The following SERINC5 variants were observed in gnomAD, a reference collection of about 807,000 sequenced individuals.
SERINC5 encodes chromosome 5 open reading frame 12.
In SERINC5, 41 loss-of-function variants were observed where a neutral mutation model predicts 63.1. The ratio of observed to expected loss-of-function variants is 0.65; its 90% CI spans 0.51 to 0.84. The LOEUF (loss-of-function observed/expected upper bound fraction) is 0.84. Among genes scored for constraint, SERINC5 ranks in the 40% least tolerant of loss-of-function variants. The pLI is 0.00. For synonymous variants in SERINC5, 222 were observed against 215.2 expected (o/e 1.03, Z -0.28); for missense variants, 523 against 573.0 (o/e 0.91, Z 0.89).
intron 6 of SERINC5, 85 bp downstream of exon 6, chr5:80,169,245 CAAACA>C (rs1052923669): frequency 3.5e-6 from 4 of 1,129,768 alleles, no homozygotes; most frequent in Admixed American, 2.1e-5. Context: ...TAGTTCCAAA[CAAACA>C]AAACAAAACA....
At chr5:80,188,970 T>G (rs926666048) in intron 2 of SERINC5, among the ~76,000 whole-genome samples, 5 of 152,186 alleles carry the variant, frequency 3.3e-5, no homozygotes, top group Non-Finnish European at 7.3e-5. Context: ...TCTGATTGAC[T>G]CTAATTTAGT....
chr5:80,253,303 C>CA (rs1319065328), intron 1 of SERINC5, among the ~76,000 whole-genome samples: 4 of 152,200 alleles, frequency 2.6e-5, no homozygotes, highest in Non-Finnish European at 5.9e-5. Flanking sequence ...CGAGCTCCAT[C>CA]AGGAAAGGAT....
chr5:80,140,873 G>A lies in SERINC5; in HGVS notation c.*2790C>T. ...CATCCCTAAATGTGTCTGACCAGCA[G>A]CTTCTGGGAATATACTCTTTAGGTC... On this transcript the variant is annotated 3_prime_UTR_variant, in exon 12 of 12. Coordinates refer to ENST00000507668, the MANE Select transcript of SERINC5 (RefSeq NM_001174072.3). The A allele has an allele frequency of 1.0e-6, 1 of 985,322 alleles. No individual in the cohort carries two copies. The highest frequency in any genetic ancestry group is 1.1e-4 in the East Asian group (1 of 8,810). The allele number at this position is 985,322 out of a possible 1,614,324, so 61.0% of individuals were successfully genotyped here.
At chr5:80,232,152 C>A (rs1236413087) in intron 1 of SERINC5, among the ~76,000 whole-genome samples, 2 of 150,900 alleles carry the variant, frequency 1.3e-5, no homozygotes, top group African/African-American at 4.9e-5. Context: ...CGCCTGTAAT[C>A]CCAGCATTTT....
intron 1 of SERINC5, among the ~76,000 whole-genome samples, chr5:80,240,492 C>T (rs1751897536): frequency 6.6e-6 from 1 of 152,090 alleles, no homozygotes; most frequent in South Asian, 2.1e-4. Context: ...ACCAAATTTT[C>T]CCCGTGAGAC....
At chr5:80,174,034 C>G (rs553787380) in intron 5 of SERINC5, among the ~76,000 whole-genome samples, 1 of 152,072 alleles carries the variant, frequency 6.6e-6, no homozygotes, top group Non-Finnish European at 1.5e-5. Flanking sequence ...AAATGGAGGT[C>G]AGAGGGGCCG....
At chr5:80,186,389 C>T (rs112521284) in intron 2 of SERINC5, among the ~76,000 whole-genome samples, 11 of 152,180 alleles carry the variant, frequency 7.2e-5, no homozygotes, top group Admixed American at 2.0e-4. Flanking sequence ...CCACCCGCCT[C>T]GGCCCCCTAA....
chr5:80,209,703 C>T (rs1464033849), intron 1 of SERINC5, among the ~76,000 whole-genome samples: 2 of 152,152 alleles, frequency 1.3e-5, no homozygotes, highest in Non-Finnish European at 2.9e-5. Flanking sequence ...TTACCATGTG[C>T]ATGCATTACT....
At chr5:80,221,392 T>A (rs1226219515) in intron 1 of SERINC5, among the ~76,000 whole-genome samples, 1 of 152,064 alleles carries the variant, frequency 6.6e-6, no homozygotes, top group African/African-American at 2.4e-5. Context: ...CAAAAGCAAG[T>A]TTCCCGTGCG....
rs544457765 is a variant in SERINC5, at chr5:80,168,286, C to G, written c.763+1049G>C. ...CTTGGCTCACTGCAAGCCCCGCCTC[C>G]CGGGTTCAAGCAATTCTCCTGCCTC... is the stretch of plus-strand genomic sequence containing the variant. On this transcript the variant is annotated intron_variant, in intron 6 of 11. Transcript: ENST00000507668. 2.0e-5 allele frequency among the ~76,000 whole-genome samples: 3 copies of G among 152,166 alleles called. No homozygotes were observed. In the South Asian group the frequency reaches 6.2e-4, roughly 32 times the overall value.
chr5:80,164,380 A>T, intron 7 of SERINC5, among the ~76,000 whole-genome samples: 1 of 148,208 alleles, frequency 6.7e-6, no homozygotes, highest in African/African-American at 2.5e-5. Context: ...TCCTTATTTT[A>T]TTTTATTTTT....
chr5:80,227,578 T>C (rs867949891), intron 1 of SERINC5, among the ~76,000 whole-genome samples: 28 of 147,510 alleles, frequency 1.9e-4, no homozygotes, highest in African/African-American at 6.5e-4. Context: ...CTGGACAACA[T>C]GGTGAAACCC....
intron 11 of SERINC5, among the ~76,000 whole-genome samples, chr5:80,128,739 G>A (rs1744833947): frequency 1.3e-5 from 2 of 152,198 alleles, no homozygotes; most frequent in Admixed American, 6.6e-5. Context: ...CACATTAAGT[G>A]TTCAATAAAC....
chr5:80,210,762 C>T (rs1359512884), intron 1 of SERINC5, among the ~76,000 whole-genome samples: 1 of 152,204 alleles, frequency 6.6e-6, no homozygotes, highest in Non-Finnish European at 1.5e-5. Context: ...TGGGGAGAAC[C>T]AGAGAACCTG....
rs1301163217 is a variant in SERINC5, at chr5:80,141,855, G to A, written c.*1808C>T. On this transcript the variant is annotated 3_prime_UTR_variant, in exon 12 of 12. Transcript: ENST00000507668. ...GGCTCTCTAAACCACACACACAGAT[G>A]GAGTGCCTTTTGAAACTGAATCTCA... is the stretch of plus-strand genomic sequence containing the variant. 6.1e-6 allele frequency: 6 copies of A among 985,290 alleles called. No homozygotes were observed. Among genetic ancestry groups the A allele is most frequent in the Non-Finnish European group, 7.2e-6 (6 of 829,824 alleles). The allele number at this position is 985,290 out of a possible 1,614,324, so 61.0% of individuals were successfully genotyped here.
At chr5:80,189,335 C>G (rs575213793) in intron 2 of SERINC5, among the ~76,000 whole-genome samples, 1 of 152,174 alleles carries the variant, frequency 6.6e-6, no homozygotes, top group African/African-American at 2.4e-5. Context: ...TGTCAATCTT[C>G]CAGATTCCTG....
chr5:80,224,950 T>G (rs980380733), intron 1 of SERINC5, among the ~76,000 whole-genome samples: 1 of 34,560 alleles, frequency 2.9e-5, no homozygotes, highest in African/African-American at 1.7e-4. Flanking sequence ...TTTTTGTTTT[T>G]TTTTTTTTTA....
intron 2 of SERINC5, among the ~76,000 whole-genome samples, chr5:80,200,139 C>T (rs7720759): frequency 0.3 from 44,999 of 151,638 alleles, 6,885 homozygotes; most frequent in African/African-American, 0.32. Context: ...GCTTGGGCAA[C>T]AGAGCGAGAC....
At chr5:80,248,679 A>T (rs76421451) in intron 1 of SERINC5, among the ~76,000 whole-genome samples, 6,089 of 152,262 alleles carry the variant, frequency 0.04, 160 homozygotes, top group Admixed American at 0.052. Context: ...CTTTATAAAG[A>T]TGAACAGGAA....
Sources: gnomAD v4.1 joint callset for allele counts (sites outside exome capture counted in the v4.1 genomes callset) on GRCh38, gnomAD v4.1.1 for gene constraint, MANE v1.5 for transcripts, NCBI Gene and HGNC (gene_info 2026-07-23, HGNC 2026-07-21) for gene names.